The following RNF122 variants were observed in gnomAD, a reference collection of about 807,000 sequenced individuals.
The protein encoded by RNF122 is ring finger protein 122.
RNF122 carries 17 observed loss-of-function variants against 24.2 expected under a neutral mutation model. The ratio of observed to expected loss-of-function variants is 0.70; its 90% confidence interval spans 0.48 to 1.06. RNF122 has a LOEUF of 1.06. RNF122 is among the 50% of genes least tolerant of loss of function. The pLI, the probability that RNF122 is intolerant of heterozygous loss-of-function variation, is 0.00. For synonymous variants in RNF122, 65 were observed against 71.8 expected (o/e 0.91, Z 0.48); for missense variants, 168 against 198.1 (o/e 0.85, Z 0.91).
intron 2 of RNF122, among the ~76,000 whole-genome samples, chr8:33,556,644 G>C (rs1810456470): frequency 6.6e-6 from 1 of 152,136 alleles, no homozygotes; most frequent in Non-Finnish European, 1.5e-5. Flanking sequence ...TGGTGGTCAG[G>C]AAGAATTCAA....
At chr8:33,551,431 GA>G in intron 2 of RNF122, 42 bp from the exon 3 acceptor site, 1 of 1,607,988 alleles carries the variant, frequency 6.2e-7, no homozygotes, top group Non-Finnish European at 8.5e-7. Flanking sequence ...AGGTTAAATG[GA>G]ACAATTCAAA....
At position 33,551,367 on chromosome 8, in the gene RNF122, T is replaced by C; in HGVS notation, c.205A>G (p.Ser69Gly). ...FISKLRNQAQSERYGYKEVVL... is the reference protein window; with the variant it reads ...FISKLRNQAQGERYGYKEVVL... Reference sequence around the variant, plus strand: ...ACCTCCTTATATCCGTATCGCTCACTCTGTGCCTGGTTCCGCAGTTTGCTG... The same window carrying C: ...ACCTCCTTATATCCGTATCGCTCACCCTGTGCCTGGTTCCGCAGTTTGCTG... The change falls in exon 3 of 6, where the codon AGT becomes GGT. Residue 69 changes from serine to glycine, a missense_variant. Coordinates refer to ENST00000256257, the MANE Select transcript of RNF122 (RefSeq NM_024787.3). 1 of 1,614,060 alleles carries C rather than the reference T, an allele frequency of 6.2e-7. No individual in the cohort carries two copies.
At chr8:33,555,965 T>A (rs931140356) in intron 2 of RNF122, among the ~76,000 whole-genome samples, 2 of 152,026 alleles carry the variant, frequency 1.3e-5, no homozygotes, top group African/African-American at 2.4e-5. Flanking sequence ...CTCAGGAGTT[T>A]GAGACCACCT....
intron 2 of RNF122, among the ~76,000 whole-genome samples, chr8:33,551,696 C>T (rs914344745): frequency 2.0e-5 from 3 of 152,210 alleles, no homozygotes; most frequent in Admixed American, 2.0e-4. Flanking sequence ...CAAATTCCTT[C>T]AGTCACCAAA....
At chr8:33,551,173 G>T in intron 3 of RNF122, 88 bp from the exon 4 acceptor site, 2 of 1,528,532 alleles carry the variant, frequency 1.3e-6, no homozygotes, top group Non-Finnish European at 1.8e-6. Context: ...GGAGTCCCCT[G>T]GACTGCCTGG....
intron 1 of RNF122, among the ~76,000 whole-genome samples, chr8:33,565,255 G>C (rs1304265746): frequency 6.6e-6 from 1 of 152,100 alleles, no homozygotes; most frequent in African/African-American, 2.4e-5. Context: ...AATGAGATCC[G>C]ACCAGCAAAA....
chr8:33,556,179 C>CAAAAAAAAAAAAAAAAAAAAAAAAAAAA, intron 2 of RNF122, among the ~76,000 whole-genome samples: 1 of 33,976 alleles, frequency 2.9e-5, no homozygotes, highest in Non-Finnish European at 6.3e-5. Flanking sequence ...GACCCTGTCT[C>CAAAAAAAAAAAAAAAAAAAAAAAAAAAA]AAAAAAAAAA....
chr8:33,549,554 A>G, intron 4 of RNF122, 62 bp from the exon 5 acceptor site: 1 of 1,316,152 alleles, frequency 7.6e-7, no homozygotes, highest in Non-Finnish European at 1.1e-6. Flanking sequence ...ATTCAACCCC[A>G]GACAAGAAAA....
chr8:33,552,413 A>C (rs1476424812), intron 2 of RNF122, among the ~76,000 whole-genome samples: 1 of 144,516 alleles, frequency 6.9e-6, no homozygotes, highest in Non-Finnish European at 1.6e-5. Context: ...AAAATAAAAA[A>C]AGAAAAAGAA....
intron 1 of RNF122, among the ~76,000 whole-genome samples, chr8:33,560,899 C>G (rs1437284050): frequency 6.6e-6 from 1 of 151,974 alleles, no homozygotes; most frequent in Non-Finnish European, 1.5e-5. Context: ...CCACTGTATT[C>G]CAGCCTTGGA....
At chr8:33,552,866 C>A (rs1299209488) in intron 2 of RNF122, among the ~76,000 whole-genome samples, 1 of 152,038 alleles carries the variant, frequency 6.6e-6, no homozygotes, top group East Asian at 1.9e-4. Flanking sequence ...TGAGACCAGC[C>A]TGGGCAACAT....
intron 1 of RNF122, among the ~76,000 whole-genome samples, chr8:33,563,402 T>C (rs1810570727): frequency 6.6e-6 from 1 of 152,230 alleles, no homozygotes; most frequent in African/African-American, 2.4e-5. Flanking sequence ...TGCACTGACC[T>C]ACACATTGTG....
intron 1 of RNF122, among the ~76,000 whole-genome samples, chr8:33,559,686 G>C (rs1357260767): frequency 6.6e-6 from 1 of 152,028 alleles, no homozygotes. Flanking sequence ...ATGGGGGTGG[G>C]GAGGAGGTTG....
At chr8:33,561,407 CT>C (rs1250069953) in intron 1 of RNF122, among the ~76,000 whole-genome samples, 1 of 152,160 alleles carries the variant, frequency 6.6e-6, no homozygotes. Flanking sequence ...CTCTTTCAGG[CT>C]GTGCCCAATT....
chr8:33,552,491 G>A (rs896443230), intron 2 of RNF122, among the ~76,000 whole-genome samples: 1 of 152,210 alleles, frequency 6.6e-6, no homozygotes, highest in Non-Finnish European at 1.5e-5. Context: ...TGGTAGCAGA[G>A]TCTAGATTTG....
chr8:33,565,227 C>T (rs527756353), intron 1 of RNF122, among the ~76,000 whole-genome samples: 1 of 152,260 alleles, frequency 6.6e-6, no homozygotes, highest in South Asian at 2.1e-4. Context: ...TCACACACGG[C>T]TTGGTTCATT....
rs1181346051 is a variant in RNF122, at chr8:33,558,644, G to C, written c.153C>G (p.Leu51=). 3 of 1,611,564 alleles carry C rather than the reference G, an allele frequency of 1.9e-6. No homozygotes were observed. The highest frequency in any genetic ancestry group is 2.7e-5 in the African/African-American group (2 of 74,770). Residue 51 remains leucine (L), a synonymous_variant, in exon 2 of 6, where the codon CTC becomes CTG. Transcript: ENST00000256257. ...TAAAATAGCAGCAGAAGATAAGGCT[G>C]AGCATGAAGACAAAGATGCCTGTGC... ...IFGTGIFVFM[L]SLIFCCYFIS...
At chr8:33,555,186 G>GT (rs113014976) in intron 2 of RNF122, among the ~76,000 whole-genome samples, 9,873 of 151,700 alleles carry the variant, frequency 0.065, 886 homozygotes, top group African/African-American at 0.2. Flanking sequence ...TGTTTTTTGT[G>GT]TTTTTTTGGG....
intron 3 of RNF122, 47 bp downstream of exon 3, chr8:33,551,297 C>T: frequency 6.2e-7 from 1 of 1,605,798 alleles, no homozygotes; most frequent in Middle Eastern, 1.7e-4. Context: ...CTCTTCCTAT[C>T]AGGTCAGGCA....
Sources: gnomAD v4.1 joint callset for allele counts (sites outside exome capture counted in the v4.1 genomes callset) on GRCh38, gnomAD v4.1.1 for gene constraint, MANE v1.5 for transcripts, NCBI Gene and HGNC (gene_info 2026-07-23, HGNC 2026-07-21) for gene names.